ZNF385D: variants seen among roughly 807,000 people sequenced by gnomAD.
ZNF385D encodes zinc finger protein 385D.
ZNF385D carries 15 observed loss-of-function variants against 35.8 expected under a neutral mutation model. The ratio of observed to expected loss-of-function variants is 0.42; its 90% CI spans 0.28 to 0.64. The LOEUF (loss-of-function observed/expected upper bound fraction) is 0.64, where lower values mean the gene tolerates loss of function less well. Among genes scored for constraint, ZNF385D ranks in the 30% least tolerant of loss-of-function variants. ZNF385D has a pLI of 0.23. For missense variants in ZNF385D, 474 were observed against 494.6 expected (o/e 0.96, Z 0.39); for synonymous variants, 212 against 186.8 (o/e 1.13, Z -1.10).
intron 2 of ZNF385D, among the ~76,000 whole-genome samples, chr3:21,566,015 G>A (rs2063132615): frequency 6.6e-6 from 1 of 152,182 alleles, no homozygotes; most frequent in Non-Finnish European, 1.5e-5. Context: ...TGGAAGGAAG[G>A]AGAAAGTTTC....
intron 2 of ZNF385D, among the ~76,000 whole-genome samples, chr3:22,365,140 T>G (rs1383646029): frequency 6.6e-6 from 1 of 152,018 alleles, no homozygotes; most frequent in African/African-American, 2.4e-5. Flanking sequence ...GTTTCAGTTT[T>G]GCAAGATGAA....
intron 3 of ZNF385D, among the ~76,000 whole-genome samples, chr3:21,835,330 C>G (rs146400469): frequency 6.6e-6 from 1 of 151,686 alleles, no homozygotes; most frequent in Non-Finnish European, 1.5e-5. Context: ...AAGTATGTAG[C>G]AAATGGCTCA....
rs542096258 is a variant in ZNF385D, at chr3:21,939,956, C to A, written c.325+228861G>T. Among the ~76,000 whole-genome samples the A allele has an allele frequency of 1.6e-3, 246 of 152,192 alleles. 1 individual carries two copies. The highest frequency in any genetic ancestry group is 4.1e-3 in the African/African-American group (171 of 41,548). ...TGAATGGAAGAGTATTAAGTTGTCC[C>A]AGGGAAAGAAGAATGAAAGCATTTT... On this transcript the variant is annotated intron_variant, in intron 3 of 5. Coordinates refer to the ZNF385D transcript ENST00000494108.
intron 3 of ZNF385D, among the ~76,000 whole-genome samples, chr3:22,014,907 G>A (rs888616017): frequency 3.3e-5 from 5 of 152,190 alleles, no homozygotes; most frequent in South Asian, 2.1e-4. Context: ...ACAAATTAAC[G>A]TGGAAACTGA....
At chr3:21,612,339 C>G (rs1348332871) in intron 2 of ZNF385D, among the ~76,000 whole-genome samples, 1 of 152,066 alleles carries the variant, frequency 6.6e-6, no homozygotes, top group African/African-American at 2.4e-5. Context: ...ACCTCGTGAT[C>G]TGCCCACCTC....
At chr3:21,665,257 G>A (rs2066370435) in intron 1 of ZNF385D, among the ~76,000 whole-genome samples, 1 of 152,150 alleles carries the variant, frequency 6.6e-6, no homozygotes, top group South Asian at 2.1e-4. Context: ...GGTTATGTAA[G>A]TAACATCAAC....
intron 4 of ZNF385D, among the ~76,000 whole-genome samples, chr3:21,438,846 A>G (rs999039983): frequency 1.3e-5 from 2 of 152,276 alleles, no homozygotes; most frequent in East Asian, 1.9e-4. Flanking sequence ...GAATACATTT[A>G]TTCCCTTGCA....
intron 2 of ZNF385D, among the ~76,000 whole-genome samples, chr3:22,321,351 T>G (rs1694421452): frequency 1.3e-5 from 2 of 151,972 alleles, no homozygotes; most frequent in Non-Finnish European, 2.9e-5. Context: ...TATATATGTG[T>G]GTACTTTTTT....
intron 3 of ZNF385D, among the ~76,000 whole-genome samples, chr3:22,164,215 A>ATTTTTTTTTTTT (rs1706157207): frequency 1.1e-5 from 1 of 91,028 alleles, no homozygotes; most frequent in Non-Finnish European, 2.3e-5. Flanking sequence ...CAAAAGGAGC[A>ATTTTTTTTTTTT]CTTTTTTTTT....
intron 3 of ZNF385D, among the ~76,000 whole-genome samples, chr3:22,165,341 G>A (rs77071926): frequency 0.022 from 3,360 of 152,148 alleles, 128 homozygotes; most frequent in African/African-American, 0.077. Flanking sequence ...AAAAAAAGCT[G>A]AGTAGTTTGG....
At chr3:21,472,625 T>G (rs1703975534) in intron 4 of ZNF385D, among the ~76,000 whole-genome samples, 1 of 152,142 alleles carries the variant, frequency 6.6e-6, no homozygotes, top group South Asian at 2.1e-4. Flanking sequence ...GCGAACAAAC[T>G]GCATCTTAAA....
At chr3:22,006,162 C>G (rs996301652) in intron 3 of ZNF385D, among the ~76,000 whole-genome samples, 1 of 151,956 alleles carries the variant, frequency 6.6e-6, no homozygotes, top group African/African-American at 2.4e-5. Flanking sequence ...AAAACAGAGG[C>G]AAAATGAACA....
At position 22,222,139 on chromosome 3, in the gene ZNF385D, G is replaced by A. The variant is rs144529113; in HGVS notation, c.107-53104C>T. On this transcript the variant is annotated intron_variant, in intron 2 of 5. Coordinates refer to the ZNF385D transcript ENST00000494108. The stretch of plus-strand genomic sequence containing the variant: ...TTACAGGCACATACCACCACTCCCA[G>A]CTAATTTTTATATTTTTAGTAGAGA... Among the ~76,000 whole-genome samples, 228 of 152,082 alleles carry A rather than the reference G, an allele frequency of 1.5e-3. 1 individual carries two copies. The highest frequency in any genetic ancestry group is 5.1e-3 in the African/African-American group (213 of 41,494).
chr3:21,480,994 G>GA (rs1163745048), intron 4 of ZNF385D, among the ~76,000 whole-genome samples: 3 of 151,992 alleles, frequency 2.0e-5, no homozygotes, highest in Non-Finnish European at 4.4e-5. Flanking sequence ...TTATTTTCAA[G>GA]ATTTTCTACA....
At chr3:21,970,516 A>G (rs1703179753) in intron 3 of ZNF385D, among the ~76,000 whole-genome samples, 1 of 152,132 alleles carries the variant, frequency 6.6e-6, no homozygotes, top group African/African-American at 2.4e-5. Context: ...AAGACACAAA[A>G]GAAAAAAGAA....
chr3:21,614,467 C>T (rs1226963891), intron 2 of ZNF385D, among the ~76,000 whole-genome samples: 1 of 152,208 alleles, frequency 6.6e-6, no homozygotes, highest in Admixed American at 6.5e-5. Flanking sequence ...AGTTCAGACC[C>T]TAACAGTCCC....
chr3:22,155,376 T>A (rs542703268), intron 3 of ZNF385D, among the ~76,000 whole-genome samples: 15 of 152,092 alleles, frequency 9.9e-5, no homozygotes, highest in African/African-American at 3.6e-4. Context: ...GAATATTATA[T>A]ACTCTTAAGA....
At chr3:22,288,260 G>C (rs1294484403) in intron 2 of ZNF385D, among the ~76,000 whole-genome samples, 1 of 151,910 alleles carries the variant, frequency 6.6e-6, no homozygotes, top group Non-Finnish European at 1.5e-5. Flanking sequence ...TATCTTTTGG[G>C]CTTCTTATAT....
Position 21,417,013 on chromosome 3 carries a change from A to G in ZNF385D, c.*4201T>C. On this transcript the variant is annotated 3_prime_UTR_variant, in exon 8 of 8. Transcript: ENST00000281523. ...CTTACATGATGTTGGCATAAGTGCGATCATAATAAGTGAGTACTAAGTGAA... is the reference window on the plus strand; with the variant it reads ...CTTACATGATGTTGGCATAAGTGCGGTCATAATAAGTGAGTACTAAGTGAA... 1 of 152,116 alleles carries G rather than the reference A, an allele frequency of 6.6e-6. No individual in the cohort carries two copies. Among genetic ancestry groups the G allele is most frequent in the Non-Finnish European group, 1.5e-5 (1 of 67,990 alleles). The allele number at this position is 152,116 out of a possible 1,614,324, so 9.4% of individuals were successfully genotyped here.
Sources: allele counts gnomAD v4.1 joint callset (sites outside exome capture counted in the v4.1 genomes callset), GRCh38; gene constraint gnomAD v4.1.1; transcripts MANE v1.5; gene names NCBI Gene and HGNC (gene_info 2026-07-23, HGNC 2026-07-21).